ZNF282: variants seen among roughly 807,000 people sequenced by gnomAD.
ZNF282 encodes the protein HTLV-I U5 repressive element-binding protein 1.
Under a neutral mutation model 61.9 loss-of-function variants are expected in ZNF282, and 30 were observed. That is an observed-to-expected ratio of 0.48 (90% CI 0.36 to 0.66). The LOEUF is 0.66. ZNF282 is among the 30% of genes least tolerant of loss of function. The pLI, the probability that ZNF282 is intolerant of heterozygous loss-of-function variation, is 0.00. For synonymous variants in ZNF282, 396 were observed against 405.0 expected, an observed-to-expected ratio of 0.98 and a Z score of 0.27; for missense variants, 788 against 941.4, an observed-to-expected ratio of 0.84 and a Z score of 2.13.
intron 2 of ZNF282, among the ~76,000 whole-genome samples, chr7:149,205,884 C>A (rs151111404): frequency 1.3e-5 from 2 of 151,956 alleles, no homozygotes; most frequent in Non-Finnish European, 2.9e-5. Flanking sequence ...CTGGTTCAGT[C>A]GGAATGTGAA....
At chr7:149,222,257 G>T (rs1332487473) in intron 7 of ZNF282, among the ~76,000 whole-genome samples, 3 of 152,232 alleles carry the variant, frequency 2.0e-5, no homozygotes, top group Non-Finnish European at 4.4e-5. Context: ...TGCAAGGAGG[G>T]CCTGTTATGG....
chr7:149,210,841 C>T (rs1056360279), intron 5 of ZNF282, 137 bp downstream of exon 5: 1 of 1,292,454 alleles, frequency 7.7e-7, no homozygotes, highest in Non-Finnish European at 1.0e-6. Flanking sequence ...GGCTGTGCAT[C>T]CAGGGCTGGG....
chr7:149,225,396 TG>T lies in ZNF282; in HGVS notation c.*753del, dbSNP rs1435937041. Reference sequence around the variant, plus strand: ...CCAGAAGCGACAGGAGGCCAGCTCCTGGGGTTCCTGGGAGCCGGGAACAGAT... The same window carrying T: ...CCAGAAGCGACAGGAGGCCAGCTCCTGGGTTCCTGGGAGCCGGGAACAGAT... On this transcript the variant is annotated 3_prime_UTR_variant, in exon 8 of 8. Coordinates refer to ENST00000610704, the MANE Select transcript of ZNF282 (RefSeq NM_003575.4). 2 of 152,270 alleles carry T rather than the reference TG, an allele frequency of 1.3e-5. No individual in the cohort carries two copies. The highest frequency in any genetic ancestry group is 2.4e-5 in the African/African-American group (1 of 41,452). 9.4% of individuals were successfully genotyped at this position (152,270 alleles called of 1,614,324 possible). A position where few individuals can be genotyped will look rare whatever the true frequency, so the allele number is the denominator to read the frequency against.
At chr7:149,206,404 A>G (rs186084740) in intron 2 of ZNF282, among the ~76,000 whole-genome samples, 31 of 152,320 alleles carry the variant, frequency 2.0e-4, no homozygotes, top group Admixed American at 1.8e-3. Context: ...CAAAAGAAGC[A>G]TATTGACTAC....
chr7:149,206,866 G>A (rs879512496), intron 3 of ZNF282, 44 bp downstream of exon 3: 9 of 1,610,296 alleles, frequency 5.6e-6, no homozygotes, highest in Non-Finnish European at 7.6e-6. Context: ...TCTCTGCAGA[G>A]GGTTGTGAAA....
At chr7:149,199,855 A>T (rs1795881595) in intron 2 of ZNF282, among the ~76,000 whole-genome samples, 1 of 152,138 alleles carries the variant, frequency 6.6e-6, no homozygotes, top group African/African-American at 2.4e-5. Flanking sequence ...TTCCTTTGCA[A>T]ATATGTCAGT....
At position 149,210,580 on chromosome 7, in the gene ZNF282, C is replaced by G; in HGVS notation, c.833-5C>G. 6.2e-7 allele frequency: 1 copy of G among 1,610,022 alleles called. No individual in the cohort carries two copies. The highest frequency in any genetic ancestry group is 8.5e-7 in the Non-Finnish European group (1 of 1,178,364). ...ACACAAAGCAATGTCATTCTCTGTC[C>G]CCAGGAGCAGAGCCCCTGGTGCCTG... On this transcript the variant is annotated splice_polypyrimidine_tract_variant and splice_region_variant and intron_variant, in intron 4 of 7. Coordinates refer to ENST00000610704, the MANE Select transcript of ZNF282 (RefSeq NM_003575.4).
At chr7:149,196,818 G>A (rs1795824471) in intron 1 of ZNF282, among the ~76,000 whole-genome samples, 1 of 152,146 alleles carries the variant, frequency 6.6e-6, no homozygotes, top group Admixed American at 6.6e-5. Flanking sequence ...TGGTATTACA[G>A]GGCCTGGCGA....
chr7:149,202,604 G>A (rs113812155), intron 2 of ZNF282, among the ~76,000 whole-genome samples: 8 of 151,940 alleles, frequency 5.3e-5, no homozygotes, highest in South Asian at 2.1e-4. Context: ...GTGAGCCACC[G>A]CGCCTGGCCT....
At position 149,204,178 on chromosome 7, in the gene ZNF282, G is replaced by A. The variant is rs563024999; in HGVS notation, c.586-2518G>A. ...GAAGAGGAAAAAGTAAAAAAGACAC[G>A]TGCCAGATGGACGGGAGGCAACATA... On this transcript the variant is annotated intron_variant, in intron 2 of 7. Coordinates refer to ENST00000610704, the MANE Select transcript of ZNF282 (RefSeq NM_003575.4). Among the ~76,000 whole-genome samples, 5 of 152,268 alleles carry A rather than the reference G, an allele frequency of 3.3e-5. No homozygotes were observed. The South Asian group carries it at 6.2e-4, about 19-fold the overall frequency.
intron 7 of ZNF282, 76 bp from the exon 8 acceptor site, chr7:149,223,736 G>C (rs1400193481): frequency 1.5e-6 from 2 of 1,367,390 alleles, no homozygotes; most frequent in Admixed American, 6.3e-5. Flanking sequence ...CATGCTCCCT[G>C]GGCCCCCCTT....
intron 7 of ZNF282, 124 bp downstream of exon 7, chr7:149,213,938 G>A (rs1009642172): frequency 1.7e-5 from 11 of 643,104 alleles, no homozygotes; most frequent in African/African-American, 9.2e-5. Context: ...TGATGGCAGC[G>A]TTTCAAAGTT....
intron 2 of ZNF282, among the ~76,000 whole-genome samples, chr7:149,205,872 G>C (rs1795984661): frequency 6.6e-6 from 1 of 152,194 alleles, no homozygotes; most frequent in Admixed American, 6.5e-5. Flanking sequence ...GAGAGTGAAA[G>C]GCTGGTTCAG....
At chr7:149,212,323 T>G in intron 5 of ZNF282, 35 bp from the exon 6 acceptor site, 1 of 1,519,430 alleles carries the variant, frequency 6.6e-7, no homozygotes, top group Non-Finnish European at 9.0e-7. Context: ...TTTCGCATCT[T>G]CTAACACCTT....
chr7:149,220,903 G>A (rs975609990), intron 7 of ZNF282, among the ~76,000 whole-genome samples: 3 of 134,354 alleles, frequency 2.2e-5, no homozygotes, highest in Non-Finnish European at 4.7e-5. Flanking sequence ...AGGCTGTGTG[G>A]AGGCCCCTGG....
Position 149,209,309 on chromosome 7 carries a change from C to T in ZNF282, c.833-1276C>T, listed in dbSNP as rs142822533. On this transcript the variant is annotated intron_variant, in intron 4 of 7. Transcript: ENST00000610704. ...TGCACTCCAGCCTGGGAGACAGATTCCGTCTCAAAAAAAAAAAAGAAACCC... is the reference window on the plus strand; with the variant it reads ...TGCACTCCAGCCTGGGAGACAGATTTCGTCTCAAAAAAAAAAAAGAAACCC... 4.0e-4 allele frequency among the ~76,000 whole-genome samples: 60 copies of T among 151,554 alleles called. 1 individual carries two copies. The East Asian group carries it at 0.01, about 25-fold the overall frequency.
chr7:149,223,352 G>A (rs1190406465), intron 7 of ZNF282, among the ~76,000 whole-genome samples: 2 of 152,006 alleles, frequency 1.3e-5, no homozygotes, highest in African/African-American at 4.8e-5. Context: ...GCAGGCTGAG[G>A]TGGGAGGATC....
chr7:149,195,992 C>G (rs1007885551), intron 1 of ZNF282, among the ~76,000 whole-genome samples: 51 of 151,050 alleles, frequency 3.4e-4, no homozygotes, highest in African/African-American at 1.2e-3. Flanking sequence ...CAGCGGTCGC[C>G]GGGCCCAAGT....
Position 149,224,274 on chromosome 7 carries a change from G to T in ZNF282, c.1643G>T (p.Cys548Phe). 6.2e-7 allele frequency: 1 copy of T among 1,612,926 alleles called. No homozygotes were observed. The highest frequency in any genetic ancestry group is 8.5e-7 in the Non-Finnish European group (1 of 1,179,868). Reference protein sequence around the residue: ...RSHTKERPYECAECEKSFNCH... With the variant: ...RSHTKERPYEFAECEKSFNCH... ...CACACCAAGGAGCGGCCCTACGAGT[G>T]CGCTGAGTGCGAGAAGAGCTTCAAC... The change falls in exon 8 of 8, where the codon TGC (cysteine) becomes TTC (phenylalanine). Residue 548 changes from cysteine to phenylalanine, a missense_variant. Cys to Phe is a radical substitution (Grantham distance 205). Around this residue, in one of 3 missense-constraint regions of ZNF282, gnomAD observed 559 missense variants for 642.0 expected, o/e 0.87. Transcript: ENST00000610704.
Sources: allele counts gnomAD v4.1 joint callset (sites outside exome capture counted in the v4.1 genomes callset), GRCh38; gene constraint gnomAD v4.1.1; regional missense constraint gnomAD v4.1.1; transcripts MANE v1.5; gene names NCBI Gene and HGNC (gene_info 2026-07-23, HGNC 2026-07-21).